ERC2: variants seen among roughly 807,000 people sequenced by gnomAD.
ERC2 encodes ERC protein 2.
A neutral mutation model predicts 114.8 loss-of-function variants in ERC2; 42 were observed. That is an observed-to-expected ratio of 0.37 (90% CI 0.29 to 0.47). The LOEUF (loss-of-function observed/expected upper bound fraction) is 0.47. Among genes scored for constraint, ERC2 ranks in the 20% least tolerant of loss-of-function variants. The pLI, the probability that ERC2 is intolerant of heterozygous loss-of-function variation, is 0.99. For missense variants in ERC2, 939 were observed against 1,150.7 expected, an observed-to-expected ratio of 0.82 and a Z score of 2.66; for synonymous variants, 454 against 425.5, an observed-to-expected ratio of 1.07 and a Z score of -0.82.
chr3:55,781,099 G>C (rs765437303), intron 14 of ERC2, among the ~76,000 whole-genome samples: 1 of 152,166 alleles, frequency 6.6e-6, no homozygotes, highest in Non-Finnish European at 1.5e-5. Flanking sequence ...CCAAAACTCT[G>C]TGTGAGACCT....
At position 56,237,942 on chromosome 3, in the gene ERC2, T is replaced by C. The variant is rs537822038; in HGVS notation, c.1074+58077A>G. On this transcript the variant is annotated intron_variant, in intron 3 of 17. Transcript: ENST00000288221. Reference sequence around the variant, plus strand: ...GAAGCAAGCATGATTCAAATTATAATATTGGCAGAACAAATTTGTAGTTTC... The same window carrying C: ...GAAGCAAGCATGATTCAAATTATAACATTGGCAGAACAAATTTGTAGTTTC... Among the ~76,000 whole-genome samples, 5 of 151,092 alleles carry C rather than the reference T, an allele frequency of 3.3e-5. No homozygotes were observed. The South Asian group carries it at 6.3e-4, about 19-fold the overall frequency.
At chr3:55,796,575 G>A (rs147802153) in intron 14 of ERC2, among the ~76,000 whole-genome samples, 35 of 152,244 alleles carry the variant, frequency 2.3e-4, no homozygotes, top group African/African-American at 7.2e-4. Context: ...ATAGGCTTGT[G>A]TCACTACGCC....
chr3:55,683,019 G>A (rs2062134510), intron 17 of ERC2, among the ~76,000 whole-genome samples: 2 of 152,154 alleles, frequency 1.3e-5, no homozygotes, highest in Admixed American at 1.3e-4. Context: ...AATGCAGACA[G>A]GATGTAAATA....
At chr3:56,202,501 C>CTTTTTTTT (rs11457828) in intron 3 of ERC2, among the ~76,000 whole-genome samples, 1 of 141,108 alleles carries the variant, frequency 7.1e-6, no homozygotes, top group Non-Finnish European at 1.5e-5. Context: ...TAAACTCAAG[C>CTTTTTTTT]TTTTTTTTTT....
At chr3:55,800,089 CAG>C (rs1195275739) in intron 14 of ERC2, among the ~76,000 whole-genome samples, 5 of 152,164 alleles carry the variant, frequency 3.3e-5, no homozygotes, top group African/African-American at 1.2e-4. Flanking sequence ...GTTATAGAGA[CAG>C]GGGCTATAGC....
intron 15 of ERC2, among the ~76,000 whole-genome samples, chr3:55,711,294 T>A (rs1186550125): frequency 6.6e-6 from 1 of 152,218 alleles, no homozygotes; most frequent in East Asian, 1.9e-4. Context: ...TACATGCTAG[T>A]TATGAAAAAT....
At chr3:55,669,539 G>T (rs910408873) in intron 17 of ERC2, among the ~76,000 whole-genome samples, 1 of 152,202 alleles carries the variant, frequency 6.6e-6, no homozygotes, top group Admixed American at 6.5e-5. Context: ...CTTGGTTGTG[G>T]CCTCTGTTGA....
intron 17 of ERC2, among the ~76,000 whole-genome samples, chr3:55,547,435 A>C (rs2054834427): frequency 6.6e-6 from 1 of 152,182 alleles, no homozygotes; most frequent in Admixed American, 6.5e-5. Context: ...GGGGGCTTTG[A>C]AAGGCTGCCA....
intron 15 of ERC2, among the ~76,000 whole-genome samples, chr3:55,711,397 T>A (rs533457781): frequency 6.6e-6 from 1 of 152,348 alleles, no homozygotes; most frequent in Non-Finnish European, 1.5e-5. Flanking sequence ...TTTCTGCCAA[T>A]CTTTCTAAAA....
intron 8 of ERC2, among the ~76,000 whole-genome samples, chr3:56,010,813 G>T (rs1180672352): frequency 6.6e-6 from 1 of 152,118 alleles, no homozygotes; most frequent in African/African-American, 2.4e-5. Flanking sequence ...AATATCACAG[G>T]GTTGCAAAGG....
At chr3:56,223,061 C>T (rs1318261287) in intron 3 of ERC2, among the ~76,000 whole-genome samples, 1 of 152,250 alleles carries the variant, frequency 6.6e-6, no homozygotes, top group African/African-American at 2.4e-5. Context: ...TGTGCCACCA[C>T]AGACCAAGCT....
chr3:55,743,079 C>T (rs1575454461), intron 14 of ERC2, among the ~76,000 whole-genome samples: 1 of 152,202 alleles, frequency 6.6e-6, no homozygotes, highest in African/African-American at 2.4e-5. Context: ...CCACCTAAAA[C>T]TGACCTCAAA....
intron 16 of ERC2, among the ~76,000 whole-genome samples, chr3:55,686,106 C>G (rs2062318002): frequency 6.6e-6 from 1 of 152,136 alleles, no homozygotes. Flanking sequence ...TTTGAAAGTA[C>G]ACGCTGCCAA....
chr3:56,185,490 C>T (rs2150054529), intron 3 of ERC2, among the ~76,000 whole-genome samples: 1 of 152,284 alleles, frequency 6.6e-6, no homozygotes, highest in Non-Finnish European at 1.5e-5. Context: ...GGATTATACC[C>T]AGAGCCTCAT....
At chr3:56,169,516 A>G (rs562362916) in intron 4 of ERC2, among the ~76,000 whole-genome samples, 1 of 152,272 alleles carries the variant, frequency 6.6e-6, no homozygotes, top group South Asian at 2.1e-4. Context: ...TGCTGTAGCC[A>G]TTTGCTCACA....
intron 3 of ERC2, among the ~76,000 whole-genome samples, chr3:56,201,626 A>G (rs2048412262): frequency 6.6e-6 from 1 of 152,236 alleles, no homozygotes; most frequent in Non-Finnish European, 1.5e-5. Context: ...CCCAGCCACC[A>G]GGGAAGGACT....
At chr3:55,601,247 C>T (rs540888689) in intron 17 of ERC2, among the ~76,000 whole-genome samples, 1 of 152,260 alleles carries the variant, frequency 6.6e-6, no homozygotes, top group South Asian at 2.1e-4. Flanking sequence ...GTTTTTGGAA[C>T]ACTCTGAGCC....
At chr3:56,122,261 CAT>C (rs1359729546) in intron 6 of ERC2, among the ~76,000 whole-genome samples, 1 of 152,180 alleles carries the variant, frequency 6.6e-6, no homozygotes, top group East Asian at 1.9e-4. Flanking sequence ...TTTCGTATCC[CAT>C]ATGATTTCAT....
intron 7 of ERC2, among the ~76,000 whole-genome samples, chr3:56,035,863 A>G (rs988691045): frequency 6.6e-6 from 1 of 152,224 alleles, no homozygotes; most frequent in African/African-American, 2.4e-5. Context: ...TCTCATTTAC[A>G]AGGCCAGCAT....
Sources: allele counts gnomAD v4.1 joint callset (sites outside exome capture counted in the v4.1 genomes callset), GRCh38; gene constraint gnomAD v4.1.1; transcripts MANE v1.5; gene names NCBI Gene and HGNC (gene_info 2026-07-23, HGNC 2026-07-21).